Variants in ZNF804B observed in about 807,000 individuals in gnomAD.
ZNF804B encodes zinc finger protein 804B.
In ZNF804B, 80 loss-of-function variants were observed where a neutral mutation model predicts 101.4. That is an observed-to-expected ratio of 0.79 (90% CI 0.66 to 0.95). The LOEUF is 0.95. Among genes scored for constraint, ZNF804B ranks in the 40% least tolerant of loss-of-function variants. The pLI is 0.00. For missense variants in ZNF804B, 1,673 were observed against 1,561.9 expected (o/e 1.07, Z -1.20); for synonymous variants, 622 against 558.8 (o/e 1.11, Z -1.59).
At chr7:89,181,798 G>A (rs909621551) in intron 1 of ZNF804B, among the ~76,000 whole-genome samples, 5 of 152,088 alleles carry the variant, frequency 3.3e-5, no homozygotes, top group African/African-American at 4.8e-5. Context: ...TCTATTGATC[G>A]GGTTGCTGGC....
At chr7:88,897,402 G>C (rs1354169599) in intron 1 of ZNF804B, among the ~76,000 whole-genome samples, 1 of 152,166 alleles carries the variant, frequency 6.6e-6, no homozygotes, top group South Asian at 2.1e-4. Context: ...GCTTCTACAG[G>C]CTGGAAAAGA....
intron 1 of ZNF804B, among the ~76,000 whole-genome samples, chr7:88,864,640 A>T (rs1303838403): frequency 6.6e-6 from 1 of 152,074 alleles, no homozygotes; most frequent in Admixed American, 6.6e-5. Context: ...ATTGATGTTA[A>T]CTCCCCTGGG....
intron 1 of ZNF804B, among the ~76,000 whole-genome samples, chr7:89,188,369 C>T (rs1052703879): frequency 6.6e-6 from 1 of 152,046 alleles, no homozygotes; most frequent in African/African-American, 2.4e-5. Context: ...AGCAGTTCCC[C>T]TATCTCTCTC....
At chr7:89,274,152 A>ATTTTT (rs1289141812) in intron 2 of ZNF804B, among the ~76,000 whole-genome samples, 1 of 132,784 alleles carries the variant, frequency 7.5e-6, no homozygotes, top group Admixed American at 7.5e-5. Flanking sequence ...ATTTTATTTT[A>ATTTTT]TTTTCTTTTT....
chr7:89,058,821 G>A (rs990574211), intron 1 of ZNF804B, among the ~76,000 whole-genome samples: 6 of 152,148 alleles, frequency 3.9e-5, no homozygotes, highest in Non-Finnish European at 2.9e-5. Flanking sequence ...AGCCTCCAGA[G>A]TAGCTAGGAC....
At chr7:89,240,293 T>C (rs1430624351) in intron 2 of ZNF804B, among the ~76,000 whole-genome samples, 1 of 152,090 alleles carries the variant, frequency 6.6e-6, no homozygotes, top group Non-Finnish European at 1.5e-5. Flanking sequence ...CCTCAAACTC[T>C]TGTGGGTTAG....
chr7:89,060,810 C>G (rs1789369075), intron 1 of ZNF804B, among the ~76,000 whole-genome samples: 1 of 152,148 alleles, frequency 6.6e-6, no homozygotes, highest in African/African-American at 2.4e-5. Context: ...TGTGTAAGCA[C>G]TGTGCATGTA....
In ZNF804B at chr7:89,000,859, G is replaced by T. The variant is rs1326939715; in HGVS notation, c.109-217296G>T. On this transcript the variant is annotated intron_variant, in intron 1 of 3. Transcript: ENST00000333190. Reference sequence around the variant, plus strand: ...TATATGACATTTATATATATAGAGAGATATCATATATGATATATATTATAT... The same window carrying T: ...TATATGACATTTATATATATAGAGATATATCATATATGATATATATTATAT... Among the ~76,000 whole-genome samples the T allele has an allele frequency of 1.1e-4, 16 of 148,728 alleles. No individual in the cohort carries two copies. In the South Asian group the frequency reaches 3.2e-3, roughly 29 times the overall value.
intron 1 of ZNF804B, among the ~76,000 whole-genome samples, chr7:89,075,142 A>T (rs372389270): frequency 6.6e-6 from 1 of 152,210 alleles, no homozygotes; most frequent in South Asian, 2.1e-4. Context: ...AGAGAAGAAA[A>T]TCCCATTTTC....
chr7:89,169,990 C>T (rs1045059898), intron 1 of ZNF804B, among the ~76,000 whole-genome samples: 2 of 152,100 alleles, frequency 1.3e-5, no homozygotes, highest in Non-Finnish European at 2.9e-5. Context: ...TGAAAAATTT[C>T]GAAGGCCTTG....
chr7:89,236,843 T>G (rs1364595683), intron 2 of ZNF804B, among the ~76,000 whole-genome samples: 3 of 152,140 alleles, frequency 2.0e-5, no homozygotes, highest in Non-Finnish European at 4.4e-5. Flanking sequence ...AGTCTTGTTT[T>G]TGGGGTTAGA....
intron 1 of ZNF804B, chr7:88,794,741 A>G: frequency 6.2e-7 from 1 of 1,613,542 alleles, no homozygotes; most frequent in African/African-American, 1.3e-5. Flanking sequence ...TGTTCATAGT[A>G]GTCAGCAACA....
chr7:89,175,210 G>A (rs1484610915), intron 1 of ZNF804B, among the ~76,000 whole-genome samples: 1 of 151,924 alleles, frequency 6.6e-6, no homozygotes, highest in East Asian at 1.9e-4. Context: ...TATGGTTGGA[G>A]GTCTTAATTT....
At chr7:88,908,830 T>C (rs879818451) in intron 1 of ZNF804B, among the ~76,000 whole-genome samples, 1 of 151,818 alleles carries the variant, frequency 6.6e-6, no homozygotes, top group Admixed American at 6.6e-5. Flanking sequence ...TACTGGCCAC[T>C]CTTGCAGTTT....
intron 3 of ZNF804B, among the ~76,000 whole-genome samples, chr7:89,329,287 C>A (rs1267488363): frequency 6.6e-6 from 1 of 151,700 alleles, no homozygotes; most frequent in African/African-American, 2.4e-5. Flanking sequence ...GTCTACTGCC[C>A]ATCACCTGCC....
chr7:89,080,549 T>A (rs1199852149), intron 1 of ZNF804B, among the ~76,000 whole-genome samples: 2 of 151,898 alleles, frequency 1.3e-5, no homozygotes, highest in African/African-American at 4.8e-5. Flanking sequence ...TGATTTTGAT[T>A]AGTAAAGGTT....
At chr7:89,163,377 G>A (rs868659370) in intron 1 of ZNF804B, among the ~76,000 whole-genome samples, 3 of 152,090 alleles carry the variant, frequency 2.0e-5, no homozygotes, top group Middle Eastern at 6.8e-3. Context: ...GTGAAACCTT[G>A]TTTCTGTTAT....
At chr7:89,235,870 A>G (rs1031638653) in intron 2 of ZNF804B, among the ~76,000 whole-genome samples, 1 of 152,098 alleles carries the variant, frequency 6.6e-6, no homozygotes, top group Non-Finnish European at 1.5e-5. Context: ...AGAAATAGGT[A>G]GTAAATAAAT....
At chr7:89,011,790 C>T (rs1387331716) in intron 1 of ZNF804B, among the ~76,000 whole-genome samples, 1 of 152,104 alleles carries the variant, frequency 6.6e-6, no homozygotes, top group Non-Finnish European at 1.5e-5. Flanking sequence ...TATGGGCTGG[C>T]TTTGACTGTC....
Sources: allele counts gnomAD v4.1 joint callset (sites outside exome capture counted in the v4.1 genomes callset), GRCh38; gene constraint gnomAD v4.1.1; transcripts MANE v1.5; gene names NCBI Gene and HGNC (gene_info 2026-07-23, HGNC 2026-07-21).